MMS22L: variants seen among roughly 807,000 people sequenced by gnomAD.
The protein encoded by MMS22L is MMS22 like, DNA repair protein, also known as protein MMS22-like.
A neutral mutation model predicts 159.1 loss-of-function variants in MMS22L; 74 were observed. The ratio of observed to expected loss-of-function variants is 0.47; its 90% CI spans 0.39 to 0.56. The LOEUF (loss-of-function observed/expected upper bound fraction) is 0.56. Among genes scored for constraint, MMS22L ranks in the 20% least tolerant of loss-of-function variants. MMS22L has a pLI of 0.00. For synonymous variants in MMS22L, 517 were observed against 506.9 expected, an observed-to-expected ratio of 1.02 and a Z score of -0.27; for missense variants, 1,351 against 1,422.1, an observed-to-expected ratio of 0.95 and a Z score of 0.80.
chr6:97,197,326 T>C (rs921605732), intron 14 of MMS22L, among the ~76,000 whole-genome samples: 2 of 152,124 alleles, frequency 1.3e-5, no homozygotes, highest in African/African-American at 4.8e-5. Flanking sequence ...CCAAATTTAA[T>C]AGCAAGTGTG....
intron 10 of MMS22L, among the ~76,000 whole-genome samples, chr6:97,247,720 A>G (rs7766001): frequency 0.64 from 96,735 of 150,268 alleles, 32,539 homozygotes; most frequent in Non-Finnish European, 0.76. Flanking sequence ...TTCGTCTCAG[A>G]AAAAAAAAAG....
chr6:97,196,464 A>ATAG (rs1806520381), intron 14 of MMS22L, among the ~76,000 whole-genome samples: 1 of 152,222 alleles, frequency 6.6e-6, no homozygotes, highest in Non-Finnish European at 1.5e-5. Context: ...TATAGTATTG[A>ATAG]TAAGGAACTG....
Position 97,229,008 on chromosome 6 carries a change from T to C in MMS22L, c.1925A>G (p.Tyr642Cys), listed in dbSNP as rs1374107548. Residue 642 changes from tyrosine to cysteine, a missense_variant, in exon 14 of 25, where the codon TAT (tyrosine) becomes TGT (cysteine). Physicochemically the swap from Tyr to Cys is radical, Grantham distance 194. Coordinates refer to ENST00000683635, the MANE Select transcript of MMS22L (RefSeq NM_001350599.2). ...QEVFETSYCLYPSHEKLLNDG... is the reference protein window; with the variant it reads ...QEVFETSYCLCPSHEKLLNDG... The stretch of plus-strand genomic sequence containing the variant: ...ATTAAGCAGTTTTTCATGGGAAGGA[T>C]ACAAGCAATAGCTGGTCTCAAACAC... The C allele has an allele frequency of 1.2e-6, 2 of 1,614,140 alleles. No individual in the cohort carries two copies. Among genetic ancestry groups the C allele is most frequent in the Non-Finnish European group, 8.5e-7 (1 of 1,180,008 alleles).
At chr6:97,272,422 A>C (rs1276185444) in intron 6 of MMS22L, 2 of 264,940 alleles carry the variant, frequency 7.5e-6, no homozygotes, top group Non-Finnish European at 1.4e-5. Context: ...GAGAATAGCT[A>C]CTGATTCAAT....
rs1800921843 is a variant in MMS22L, at chr6:97,146,220, C to T, written c.*586G>A. ...TCTTTTTGGATATCAGCTGTATAAT[C>T]CTTTAGCCAGATTCAGTCTCATTCC... is the stretch of plus-strand genomic sequence containing the variant. On this transcript the variant is annotated 3_prime_UTR_variant, in exon 25 of 25. Coordinates refer to ENST00000683635, the MANE Select transcript of MMS22L (RefSeq NM_001350599.2). 6.6e-6 allele frequency: 1 copy of T among 151,828 alleles called. No individual in the cohort carries two copies. Among genetic ancestry groups the T allele is most frequent in the Non-Finnish European group, 1.5e-5 (1 of 67,952 alleles). 9.4% of individuals were successfully genotyped at this position (151,828 alleles called of 1,614,324 possible). A position where few individuals can be genotyped will look rare whatever the true frequency, so the allele number is the denominator to read the frequency against.
intron 14 of MMS22L, among the ~76,000 whole-genome samples, chr6:97,191,244 T>C (rs1206175): frequency 0.55 from 82,816 of 151,490 alleles, 23,404 homozygotes; most frequent in African/African-American, 0.7. Context: ...GCCAGTCTGG[T>C]CTCTCAGTTT....
At chr6:97,253,028 C>T (rs1283146274) in intron 10 of MMS22L, among the ~76,000 whole-genome samples, 1 of 152,076 alleles carries the variant, frequency 6.6e-6, no homozygotes, top group African/African-American at 2.4e-5. Context: ...TGGATACAAA[C>T]AAAAAACATA....
chr6:97,192,985 T>C (rs561756390), intron 14 of MMS22L, among the ~76,000 whole-genome samples: 4 of 152,294 alleles, frequency 2.6e-5, no homozygotes, highest in African/African-American at 9.6e-5. Flanking sequence ...ATAATCACTA[T>C]GCTACAGCTG....
chr6:97,240,279 T>C (rs992251885), intron 11 of MMS22L, among the ~76,000 whole-genome samples: 3 of 152,218 alleles, frequency 2.0e-5, no homozygotes, highest in Non-Finnish European at 2.9e-5. Context: ...ACCACAGAAC[T>C]ACTTCTTCAT....
At chr6:97,201,989 C>T (rs766232180) in intron 14 of MMS22L, among the ~76,000 whole-genome samples, 2 of 152,178 alleles carry the variant, frequency 1.3e-5, no homozygotes, top group Non-Finnish European at 2.9e-5. Flanking sequence ...AATGTTTCCA[C>T]AGTAACATTT....
intron 10 of MMS22L, among the ~76,000 whole-genome samples, chr6:97,247,669 G>C (rs1037951937): frequency 4.6e-5 from 7 of 152,118 alleles, no homozygotes; most frequent in African/African-American, 1.7e-4. Context: ...AGTGAGCCAA[G>C]ATCATGCCAC....
intron 22 of MMS22L, among the ~76,000 whole-genome samples, chr6:97,160,707 C>G (rs1317370835): frequency 6.6e-6 from 1 of 151,816 alleles, no homozygotes; most frequent in Non-Finnish European, 1.5e-5. Flanking sequence ...TTGGCTTTCT[C>G]TCTTCTTCTG....
At chr6:97,283,389 T>TAA (rs71012594), upstream of MMS22L, 1,463 of 138,760 alleles carry the variant, frequency 0.011, 19 homozygotes, top group African/African-American at 0.032. Flanking sequence ...CGGGGCCTGG[T>TAA]AAAAAAAAAA....
At chr6:97,220,660 G>A (rs183575837) in intron 14 of MMS22L, among the ~76,000 whole-genome samples, 23 of 151,314 alleles carry the variant, frequency 1.5e-4, no homozygotes, top group Middle Eastern at 3.4e-3. Context: ...GAAGACACAC[G>A]CTCCCCACCT....
intron 14 of MMS22L, among the ~76,000 whole-genome samples, chr6:97,187,464 A>C (rs1562435095): frequency 6.6e-6 from 1 of 152,172 alleles, no homozygotes; most frequent in Non-Finnish European, 1.5e-5. Flanking sequence ...GCACCCACTG[A>C]TAATATGATT....
chr6:97,187,161 T>C (rs1010855241), intron 14 of MMS22L, among the ~76,000 whole-genome samples: 1 of 152,194 alleles, frequency 6.6e-6, no homozygotes, highest in African/African-American at 2.4e-5. Context: ...CCTTGTGTAG[T>C]AGACAAAACT....
chr6:97,275,438 A>G (rs752092596), intron 4 of MMS22L, among the ~76,000 whole-genome samples: 9 of 152,142 alleles, frequency 5.9e-5, no homozygotes, highest in Non-Finnish European at 8.8e-5. Context: ...GAGGCAGGAA[A>G]ATTGCTTGAA....
At position 97,186,685 on chromosome 6, in the gene MMS22L, A is replaced by G; in HGVS notation, c.2045T>C (p.Met682Thr). 2 of 1,540,352 alleles carry G rather than the reference A, an allele frequency of 1.3e-6. No homozygotes were observed. Among genetic ancestry groups the G allele is most frequent in the Non-Finnish European group, 1.7e-6 (2 of 1,143,948 alleles). ...AAGTTCCTGACACAATTGTTGATGC[A>G]TACTCCTAAAAAGAAATAAAAATAC... ...LQAVLARIRS[M>T]HQQLCQELQR... The change falls in exon 15 of 25, where the codon ATG becomes ACG. Residue 682 changes from methionine (M) to threonine (T), a missense_variant. Physicochemically the swap from Met to Thr is moderately conservative, Grantham distance 81. Transcript: ENST00000683635.
rs1388022169 is a variant in MMS22L, at chr6:97,278,771, T to C, written c.340+78A>G. Reference sequence around the variant, plus strand: ...CTCTGTATTATCATGATATGCCAATTATACCATCATGGACCCATGTGCAAC... The same window carrying C: ...CTCTGTATTATCATGATATGCCAATCATACCATCATGGACCCATGTGCAAC... On this transcript the variant is annotated intron_variant, in intron 4 of 24. Coordinates refer to ENST00000683635, the MANE Select transcript of MMS22L (RefSeq NM_001350599.2). 1.0e-5 allele frequency: 12 copies of C among 1,153,042 alleles called. 1 individual carries two copies. The highest frequency in any genetic ancestry group is 4.0e-4 in the Middle Eastern group (2 of 5,038). 71.4% of individuals were successfully genotyped at this position (1,153,042 alleles called of 1,614,324 possible). A position where few individuals can be genotyped will look rare whatever the true frequency, so the allele number is the denominator to read the frequency against.
Sources: gnomAD v4.1 joint callset for allele counts (sites outside exome capture counted in the v4.1 genomes callset) on GRCh38, gnomAD v4.1.1 for gene constraint, MANE v1.5 for transcripts, NCBI Gene and HGNC (gene_info 2026-07-23, HGNC 2026-07-21) for gene names.